The following AVL9 variants were observed in gnomAD, a reference collection of about 807,000 sequenced individuals.
AVL9 encodes the protein AVL9 cell migration associated.
A neutral mutation model predicts 79.2 loss-of-function variants in AVL9; 49 were observed. The observed-to-expected ratio is 0.62, with a 90% CI of 0.49 to 0.79. The LOEUF is 0.79. Among genes scored for constraint, AVL9 ranks in the 30% least tolerant of loss-of-function variants. AVL9 has a pLI of 0.00. For missense variants in AVL9, 682 were observed against 776.8 expected (o/e 0.88, Z 1.45); for synonymous variants, 299 against 280.6 (o/e 1.07, Z -0.65).
At chr7:32,512,785 T>C (rs1787737755) in intron 1 of AVL9, among the ~76,000 whole-genome samples, 1 of 152,128 alleles carries the variant, frequency 6.6e-6, no homozygotes. Context: ...CTTGCTAAAA[T>C]AAAACTCCCT....
chr7:32,528,997 G>A (rs1464579938), intron 1 of AVL9, among the ~76,000 whole-genome samples: 3 of 152,150 alleles, frequency 2.0e-5, no homozygotes, highest in East Asian at 1.9e-4. Flanking sequence ...GTGACAGAGC[G>A]AGACTGCATC....
Position 32,580,876 on chromosome 7 carries a change from C to A in AVL9, c.1817C>A (p.Thr606Lys). Residue 606 changes from threonine to lysine, a missense_variant, in exon 15 of 16, where the codon ACA becomes AAA. Thr to Lys is a moderately conservative substitution (Grantham distance 78). Coordinates refer to ENST00000318709, the MANE Select transcript of AVL9 (RefSeq NM_015060.3). Reference protein sequence around the residue: ...MVTTSRNVVQTGKAVGQSVGG... With the variant: ...MVTTSRNVVQKGKAVGQSVGG... ...ACAACTAGCCGGAATGTTGTACAAA[C>A]AGGAAAAGCTGTTGGTAAGACATGC... The A allele has an allele frequency of 1.2e-6, 2 of 1,613,596 alleles. No homozygotes were observed. The highest frequency in any genetic ancestry group is 1.7e-6 in the Non-Finnish European group (2 of 1,179,764).
At chr7:32,535,946 C>G (rs575213070) in intron 1 of AVL9, 1 of 152,356 alleles carries the variant, frequency 6.6e-6, no homozygotes, top group African/African-American at 2.4e-5. Flanking sequence ...CTTGCACTCA[C>G]TCCATTCCAC....
At chr7:32,545,355 C>T (rs1330079370) in intron 3 of AVL9, among the ~76,000 whole-genome samples, 3 of 122,634 alleles carry the variant, frequency 2.4e-5, no homozygotes, top group African/African-American at 9.0e-5. Flanking sequence ...CTATTTATCT[C>T]TAAGATTTCT....
intron 13 of AVL9, among the ~76,000 whole-genome samples, chr7:32,579,675 G>C (rs1477786126): frequency 7.9e-6 from 1 of 126,360 alleles, no homozygotes; most frequent in African/African-American, 3.1e-5. Context: ...TCTGAATAAT[G>C]TATTTTCTTA....
chr7:32,570,947 AGGCTCGGCGCAGT>A (rs971716224), intron 11 of AVL9, among the ~76,000 whole-genome samples: 3 of 140,264 alleles, frequency 2.1e-5, no homozygotes, highest in African/African-American at 7.8e-5. Flanking sequence ...AAATTTTATG[AGGCTCGGCGCAGT>A]GGCTCACGCC....
At chr7:32,580,619 A>G in intron 14 of AVL9, 183 bp from the exon 15 acceptor site, 2 of 586,006 alleles carry the variant, frequency 3.4e-6, no homozygotes, top group Non-Finnish European at 6.0e-6. Flanking sequence ...CTGAAAATGC[A>G]CATGCTTAAA....
chr7:32,577,282 C>G (rs1791145918), intron 13 of AVL9, among the ~76,000 whole-genome samples: 1 of 152,150 alleles, frequency 6.6e-6, no homozygotes, highest in Non-Finnish European at 1.5e-5. Context: ...CCAGCCTAGG[C>G]AACATAATGA....
At chr7:32,517,297 CTTTTTCTTTTTCTT>C (rs1787945238) in intron 1 of AVL9, among the ~76,000 whole-genome samples, 1 of 149,766 alleles carries the variant, frequency 6.7e-6, no homozygotes, top group Non-Finnish European at 1.5e-5. Context: ...ATCTTTTTTT[CTTTTTCTTTTTCTT>C]TTTTTTTTTT....
chr7:32,573,118 TC>T, intron 11 of AVL9, 80 bp from the exon 12 acceptor site: 5 of 1,085,636 alleles, frequency 4.6e-6, no homozygotes, highest in Non-Finnish European at 6.9e-6. Flanking sequence ...AGCTCCACCT[TC>T]CCCGTAGTTA....
intron 1 of AVL9, among the ~76,000 whole-genome samples, chr7:32,503,246 C>T (rs2128112104): frequency 6.6e-6 from 1 of 150,732 alleles, no homozygotes; most frequent in Non-Finnish European, 1.5e-5. Flanking sequence ...GAGGCCGAGG[C>T]AGGTGGATCA....
At chr7:32,516,264 G>C (rs1318510842) in intron 1 of AVL9, among the ~76,000 whole-genome samples, 1 of 152,204 alleles carries the variant, frequency 6.6e-6, no homozygotes, top group Non-Finnish European at 1.5e-5. Flanking sequence ...ACTGAGGACA[G>C]TTTACAGGAA....
Position 32,508,420 on chromosome 7 carries a change from T to A in AVL9, c.93+12618T>A, listed in dbSNP as rs767107540. Among the ~76,000 whole-genome samples the A allele has an allele frequency of 1.7e-4, 24 of 140,812 alleles. 1 individual carries two copies. The highest frequency in any genetic ancestry group is 2.9e-4 in the Admixed American group (4 of 13,756). 92.4% of individuals were successfully genotyped at this position (140,812 alleles called of 152,430 possible). Reference sequence around the variant, plus strand: ...AGAGAGCAAAATAATCAGATAAAACTAATTTTAATATTGTGTTTTTTAACT... The same window carrying A: ...AGAGAGCAAAATAATCAGATAAAACAAATTTTAATATTGTGTTTTTTAACT... On this transcript the variant is annotated intron_variant, in intron 1 of 15. Transcript: ENST00000318709.
At position 32,587,615 on chromosome 7, in the gene AVL9, A is replaced by G. The variant is rs2128160748; in HGVS notation, c.*3708A>G. 6.6e-6 allele frequency: 1 copy of G among 152,274 alleles called. No individual in the cohort carries two copies. Among genetic ancestry groups the G allele is most frequent in the East Asian group, 1.9e-4 (1 of 5,180 alleles). 9.4% of individuals were successfully genotyped at this position (152,274 alleles called of 1,614,324 possible). A position where few individuals can be genotyped will look rare whatever the true frequency, so the allele number is the denominator to read the frequency against. ...GGAGAAGGCTGGGACTCTTCATGGC[A>G]TCAACACTTGCATGCTCTGAATCTT... On this transcript the variant is annotated 3_prime_UTR_variant, in exon 16 of 16. Coordinates refer to ENST00000318709, the MANE Select transcript of AVL9 (RefSeq NM_015060.3).
intron 1 of AVL9, among the ~76,000 whole-genome samples, chr7:32,523,669 C>A (rs111893352): frequency 6.6e-6 from 1 of 150,646 alleles, no homozygotes; most frequent in Non-Finnish European, 1.5e-5. Flanking sequence ...GGGTGTGCCA[C>A]CACACCTGCC....
At chr7:32,513,512 G>C (rs1292161077) in intron 1 of AVL9, among the ~76,000 whole-genome samples, 1 of 152,232 alleles carries the variant, frequency 6.6e-6, no homozygotes, top group African/African-American at 2.4e-5. Flanking sequence ...ATCAGAATAT[G>C]TTTAAGTGTA....
At chr7:32,517,295 T>G in intron 1 of AVL9, among the ~76,000 whole-genome samples, 1 of 151,392 alleles carries the variant, frequency 6.6e-6, no homozygotes, top group East Asian at 1.9e-4. Flanking sequence ...AAATCTTTTT[T>G]TCTTTTTCTT....
chr7:32,505,843 C>G (rs557477103), intron 1 of AVL9, among the ~76,000 whole-genome samples: 52 of 152,246 alleles, frequency 3.4e-4, no homozygotes, highest in South Asian at 1.0e-3. Context: ...AAAGCCACTA[C>G]TTAATATAGG....
intron 7 of AVL9, 50 bp from the exon 8 acceptor site, chr7:32,554,508 A>G (rs1185169596): frequency 1.7e-6 from 2 of 1,205,258 alleles, no homozygotes; most frequent in Non-Finnish European, 2.4e-6. Context: ...AAGATGAATT[A>G]TAGGCGTGAG....
Sources: allele counts gnomAD v4.1 joint callset (sites outside exome capture counted in the v4.1 genomes callset), GRCh38; gene constraint gnomAD v4.1.1; transcripts MANE v1.5; gene names NCBI Gene and HGNC (gene_info 2026-07-23, HGNC 2026-07-21).